The following LRRC39 variants were observed in gnomAD, a reference collection of about 807,000 sequenced individuals.
LRRC39 encodes the protein leucine rich repeat containing 39.
Under a neutral mutation model 39.7 loss-of-function variants are expected in LRRC39, and 35 were observed. The observed-to-expected ratio is 0.88, with a 90% CI of 0.67 to 1.17. The LOEUF (loss-of-function observed/expected upper bound fraction) is 1.17, where lower values mean the gene tolerates loss of function less well. Ranked by LOEUF, LRRC39 falls within the 50% of genes most tolerant of loss-of-function variation. The pLI, the probability that LRRC39 is intolerant of heterozygous loss-of-function variation, is 0.00. For missense variants in LRRC39, 357 were observed against 385.8 expected (o/e 0.93, Z 0.62); for synonymous variants, 113 against 134.1 (o/e 0.84, Z 1.09).
At chr1:100,161,797 C>G (rs569155406) in intron 3 of LRRC39, among the ~76,000 whole-genome samples, 2 of 152,264 alleles carry the variant, frequency 1.3e-5, no homozygotes, top group Admixed American at 6.5e-5. Context: ...CAGGCATGCT[C>G]CACCACGCCC....
chr1:100,169,929 C>T (rs1166632139), intron 2 of LRRC39, among the ~76,000 whole-genome samples: 3 of 152,070 alleles, frequency 2.0e-5, no homozygotes, highest in Admixed American at 6.6e-5. Context: ...TAAGGGTCCC[C>T]GTTGATATAC....
At chr1:100,171,968 T>C (rs1659642393) in intron 2 of LRRC39, among the ~76,000 whole-genome samples, 1 of 151,878 alleles carries the variant, frequency 6.6e-6, no homozygotes, top group Admixed American at 6.6e-5. Flanking sequence ...TTAGAAGAAA[T>C]GAGGCTAAAA....
rs1333442551 is a variant in LRRC39, at chr1:100,155,122, C to G, written c.741G>C (p.Leu247=). ...LPQTISNMKN[L]GTLVLSNNKL... is the part of the protein sequence containing the mutation. ...TATTGTTGCTGAGAACAAGAGTACC[C>G]AGATTTTTCATATTGCTGATTGTTT... is the stretch of plus-strand genomic sequence containing the variant. Residue 247 remains leucine, a synonymous_variant, in exon 8 of 10, where the codon CTG becomes CTC. Transcript: ENST00000370137. 6.2e-7 allele frequency: 1 copy of G among 1,611,430 alleles called. No individual in the cohort carries two copies. Among genetic ancestry groups the G allele is most frequent in the Non-Finnish European group, 8.5e-7 (1 of 1,178,914 alleles).
chr1:100,150,659 G>A (rs1570758667), intron 9 of LRRC39, among the ~76,000 whole-genome samples: 2 of 152,154 alleles, frequency 1.3e-5, no homozygotes, highest in African/African-American at 4.8e-5. Flanking sequence ...CTTAGGTCAG[G>A]ATTATTGTTT....
intron 8 of LRRC39, among the ~76,000 whole-genome samples, chr1:100,152,974 G>A (rs1240687515): frequency 6.6e-6 from 1 of 152,168 alleles, no homozygotes; most frequent in East Asian, 1.9e-4. Flanking sequence ...TGATCTGCCT[G>A]CCTCAGCCTC....
intron 2 of LRRC39, among the ~76,000 whole-genome samples, chr1:100,172,531 A>C (rs187437647): frequency 1.3e-5 from 2 of 151,620 alleles, no homozygotes; most frequent in African/African-American, 4.8e-5. Flanking sequence ...TACTAAAAAA[A>C]TACAAAAAAG....
At chr1:100,177,284 G>A (rs888641684) in intron 1 of LRRC39, among the ~76,000 whole-genome samples, 6 of 152,072 alleles carry the variant, frequency 3.9e-5, no homozygotes, top group Admixed American at 1.3e-4. Context: ...GAGAGGAATC[G>A]GATAGATAAT....
At chr1:100,161,907 A>G (rs1298025453) in intron 3 of LRRC39, among the ~76,000 whole-genome samples, 1 of 152,154 alleles carries the variant, frequency 6.6e-6, no homozygotes, top group African/African-American at 2.4e-5. Flanking sequence ...TTGGCCACCC[A>G]AAGTGCTGGG....
chr1:100,171,937 T>A (rs1471889104), intron 2 of LRRC39, among the ~76,000 whole-genome samples: 1 of 152,086 alleles, frequency 6.6e-6, no homozygotes, highest in Non-Finnish European at 1.5e-5. Context: ...AGAGGGAAAT[T>A]TCTAGTCTTA....
At position 100,148,455 on chromosome 1, in the gene LRRC39, T is replaced by C. The variant is rs1194438967; in HGVS notation, c.*587A>G. On this transcript the variant is annotated 3_prime_UTR_variant, in exon 10 of 10. Coordinates refer to ENST00000370137, the MANE Select transcript of LRRC39 (RefSeq NM_144620.4). ...TCTAATTTTAGAATAAGCTAAAATA[T>C]ACACATCTTTTATTGTGGTCATAAA... 8.0e-6 allele frequency: 9 copies of C among 1,121,508 alleles called. No homozygotes were observed. Among genetic ancestry groups the C allele is most frequent in the Admixed American group, 2.5e-5 (1 of 40,550 alleles). 69.5% of individuals were successfully genotyped at this position (1,121,508 alleles called of 1,614,324 possible).
chr1:100,161,678 G>A (rs974713532), intron 3 of LRRC39, among the ~76,000 whole-genome samples: 7 of 152,040 alleles, frequency 4.6e-5, no homozygotes, highest in Non-Finnish European at 7.4e-5. Flanking sequence ...ACAAAGTCTC[G>A]CTCTGTCATC....
At chr1:100,150,215 T>C (rs188772712) in intron 9 of LRRC39, 1 of 152,286 alleles carries the variant, frequency 6.6e-6, no homozygotes, top group Admixed American at 6.5e-5. Context: ...CTAGTAATAG[T>C]AGTGGTAGTA....
intron 3 of LRRC39, among the ~76,000 whole-genome samples, 189 bp from the exon 4 acceptor site, chr1:100,160,760 G>A (rs1022311492): frequency 4.6e-5 from 7 of 151,836 alleles, no homozygotes; most frequent in African/African-American, 1.7e-4. Flanking sequence ...GAGTAGCCAG[G>A]ATTACAGGCG....
chr1:100,176,085 C>G (rs1266824432), intron 1 of LRRC39, among the ~76,000 whole-genome samples: 1 of 152,078 alleles, frequency 6.6e-6, no homozygotes. Context: ...CAAGACTGTT[C>G]CCAGCAATGT....
chr1:100,162,271 A>T (rs1208016401), intron 3 of LRRC39, among the ~76,000 whole-genome samples: 1 of 152,198 alleles, frequency 6.6e-6, no homozygotes, highest in African/African-American at 2.4e-5. Flanking sequence ...AAAATGTATA[A>T]AATCTTTGTC....
intron 3 of LRRC39, 35 bp downstream of exon 3, chr1:100,168,369 C>T (rs1659389771): frequency 2.1e-6 from 3 of 1,448,644 alleles, no homozygotes; most frequent in African/African-American, 1.4e-5. Flanking sequence ...TATGAATTTT[C>T]ACTAATTCAA....
Position 100,168,360 on chromosome 1 carries a change from A to G in LRRC39, c.113+44T>C, listed in dbSNP as rs749871341. ...TGCTCTTTTTTATGGTGATGATAAT[A>G]TGAATTTTCACTAATTCAAAATAAT... On this transcript the variant is annotated intron_variant, in intron 3 of 9. Coordinates refer to ENST00000370137, the MANE Select transcript of LRRC39 (RefSeq NM_144620.4). The G allele has an allele frequency of 9.4e-6, 13 of 1,385,968 alleles. No individual in the cohort carries two copies. In the East Asian group the frequency reaches 3.1e-4, roughly 33 times the overall value. The allele number at this position is 1,385,968 out of a possible 1,614,324, so 85.9% of individuals were successfully genotyped here.
intron 1 of LRRC39, among the ~76,000 whole-genome samples, chr1:100,173,956 A>G (rs1481754128): frequency 6.6e-6 from 1 of 152,196 alleles, no homozygotes; most frequent in Non-Finnish European, 1.5e-5. Flanking sequence ...ATGAAGAGAT[A>G]TACATCATAT....
In LRRC39 at chr1:100,172,515, C is replaced by T. The variant is rs569083410; in HGVS notation, c.-79+816G>A. Among the ~76,000 whole-genome samples the T allele has an allele frequency of 2.3e-3, 338 of 149,008 alleles. 1 individual carries two copies. Among genetic ancestry groups the T allele is most frequent in the Non-Finnish European group, 4.0e-3 (267 of 67,466 alleles). ...CAGCCTGGACAACATGGTGAAACCCCGTCTCTACTAAAAAAATACAAAAAA... is the reference window on the plus strand; with the variant it reads ...CAGCCTGGACAACATGGTGAAACCCTGTCTCTACTAAAAAAATACAAAAAA... On this transcript the variant is annotated intron_variant, in intron 2 of 9. Transcript: ENST00000370137.
Sources: allele counts gnomAD v4.1 joint callset (sites outside exome capture counted in the v4.1 genomes callset), GRCh38; gene constraint gnomAD v4.1.1; transcripts MANE v1.5; gene names NCBI Gene and HGNC (gene_info 2026-07-23, HGNC 2026-07-21).